Variants in NPAS3 observed in about 807,000 individuals in gnomAD.
NPAS3 encodes neuronal PAS domain-containing protein 3.
Under a neutral mutation model 73.1 loss-of-function variants are expected in NPAS3, and 14 were observed. The observed-to-expected ratio is 0.19, with a 90% CI of 0.13 to 0.30. The LOEUF is 0.30. Ranked by LOEUF, NPAS3 falls within the 10% of genes least tolerant of loss-of-function variation. The pLI is 1.00. For synonymous variants in NPAS3, 620 were observed against 541.5 expected (o/e 1.14, Z -2.01); for missense variants, 1,096 against 1,250.0 (o/e 0.88, Z 1.86).
intron 1 of NPAS3, among the ~76,000 whole-genome samples, chr14:33,019,102 G>T (rs2039498545): frequency 6.6e-6 from 1 of 152,132 alleles, no homozygotes; most frequent in Non-Finnish European, 1.5e-5. Context: ...CATTCTGTTA[G>T]AATTTTGCTG....
intron 7 of NPAS3, among the ~76,000 whole-genome samples, chr14:33,746,618 T>C (rs2061807400): frequency 6.6e-6 from 1 of 152,108 alleles, no homozygotes; most frequent in Non-Finnish European, 1.5e-5. Flanking sequence ...TTACAAAATA[T>C]GGTTGCACAC....
At chr14:33,373,684 T>C (rs2046194730) in intron 4 of NPAS3, among the ~76,000 whole-genome samples, 1 of 152,166 alleles carries the variant, frequency 6.6e-6, no homozygotes, top group African/African-American at 2.4e-5. Flanking sequence ...CATGTGTCAA[T>C]TTTTGCTTGG....
At chr14:33,009,205 C>G (rs1434252729) in intron 1 of NPAS3, among the ~76,000 whole-genome samples, 2 of 152,146 alleles carry the variant, frequency 1.3e-5, no homozygotes, top group Non-Finnish European at 2.9e-5. Flanking sequence ...ATGACAGCTT[C>G]TTTCCTGAAA....
chr14:33,562,086 G>A (rs1351267734), intron 5 of NPAS3, among the ~76,000 whole-genome samples: 2 of 152,128 alleles, frequency 1.3e-5, no homozygotes, highest in African/African-American at 2.4e-5. Context: ...TATATGGATC[G>A]GATTTTCAAG....
intron 4 of NPAS3, among the ~76,000 whole-genome samples, chr14:33,377,094 A>C (rs1256852639): frequency 1.3e-5 from 2 of 152,236 alleles, no homozygotes; most frequent in Non-Finnish European, 2.9e-5. Context: ...TAAATTGCTT[A>C]CATTGATGTA....
chr14:33,153,097 T>C (rs1247329149), intron 2 of NPAS3, among the ~76,000 whole-genome samples: 1 of 152,184 alleles, frequency 6.6e-6, no homozygotes, highest in Non-Finnish European at 1.5e-5. Flanking sequence ...CTTTTTATTC[T>C]AGCTGTTCCT....
intron 3 of NPAS3, among the ~76,000 whole-genome samples, chr14:33,293,097 C>A (rs2042164019): frequency 1.3e-5 from 2 of 152,138 alleles, no homozygotes; most frequent in African/African-American, 2.4e-5. Context: ...CTGAGCATCT[C>A]TTGCTGGCCA....
At chr14:33,204,692 A>G (rs1164877130) in intron 2 of NPAS3, among the ~76,000 whole-genome samples, 1 of 152,110 alleles carries the variant, frequency 6.6e-6, no homozygotes, top group Non-Finnish European at 1.5e-5. Flanking sequence ...TGGGATTCCG[A>G]GGGGACCATA....
chr14:33,030,396 T>A (rs1447359883), intron 1 of NPAS3, among the ~76,000 whole-genome samples: 2 of 152,228 alleles, frequency 1.3e-5, no homozygotes, highest in Non-Finnish European at 2.9e-5. Flanking sequence ...CTTAGAATTC[T>A]TATTCAAATA....
Position 33,348,519 on chromosome 14 carries a change from A to T in NPAS3, c.386-18667A>T, listed in dbSNP as rs567481305. 7.4e-4 allele frequency among the ~76,000 whole-genome samples: 112 copies of T among 152,252 alleles called. 1 individual carries two copies. The highest frequency in any genetic ancestry group is 2.6e-3 in the African/African-American group (109 of 41,546). The stretch of plus-strand genomic sequence containing the variant: ...TGGAAACTATTAGAACAAGTGAATT[A>T]TTTTTAACCATCTTTTAGACCATTC... On this transcript the variant is annotated intron_variant, in intron 3 of 11. Coordinates refer to ENST00000356141, the Ensembl canonical transcript of NPAS3.
In NPAS3 at chr14:33,480,996, C is replaced by T. The variant is rs575950210; in HGVS notation, c.469-79125C>T. Reference sequence around the variant, plus strand: ...TGCTGAATTTGGCCATCTAGAGCCTCATGCGTCCCCGTTTATCAAGAGATA... The same window carrying T: ...TGCTGAATTTGGCCATCTAGAGCCTTATGCGTCCCCGTTTATCAAGAGATA... On this transcript the variant is annotated intron_variant, in intron 4 of 11. Transcript: ENST00000356141. Among the ~76,000 whole-genome samples the T allele has an allele frequency of 3.3e-5, 5 of 152,100 alleles. No individual in the cohort carries two copies. In the South Asian group the frequency reaches 8.3e-4, roughly 25 times the overall value.
intron 2 of NPAS3, 96 bp from the exon 3 acceptor site, chr14:33,215,086 T>A (rs2047170494): frequency 1.5e-6 from 2 of 1,323,594 alleles, no homozygotes; most frequent in Non-Finnish European, 2.1e-6. Flanking sequence ...TTTGGTAGAA[T>A]TTTGGTGGGA....
chr14:33,797,367 GTC>G, intron 10 of NPAS3, 88 bp from the exon 11 acceptor site: 1 of 1,402,058 alleles, frequency 7.1e-7, no homozygotes, highest in Non-Finnish European at 9.9e-7. Flanking sequence ...AACTCCAGAA[GTC>G]TGGGACAAAG....
chr14:33,089,209 G>A (rs1242079339), intron 2 of NPAS3, among the ~76,000 whole-genome samples: 13 of 152,188 alleles, frequency 8.5e-5, no homozygotes, highest in African/African-American at 3.1e-4. Context: ...CCAAGCTAAA[G>A]GAGGAAATTA....
chr14:33,407,442 A>G (rs2047716699), intron 4 of NPAS3, among the ~76,000 whole-genome samples: 1 of 152,138 alleles, frequency 6.6e-6, no homozygotes, highest in Non-Finnish European at 1.5e-5. Flanking sequence ...AGTTAGTCTC[A>G]GTTAAAGCAA....
intron 4 of NPAS3, among the ~76,000 whole-genome samples, chr14:33,428,070 T>A (rs1275359192): frequency 6.6e-6 from 1 of 152,100 alleles, no homozygotes; most frequent in Non-Finnish European, 1.5e-5. Context: ...CTCAACTCAA[T>A]ACATAATAAC....
intron 4 of NPAS3, among the ~76,000 whole-genome samples, chr14:33,385,694 G>A (rs1050103000): frequency 2.0e-5 from 3 of 152,282 alleles, no homozygotes; most frequent in Admixed American, 1.3e-4. Context: ...ACATTCAGCT[G>A]TAGGGCCAGG....
At chr14:33,589,184 G>A (rs780814337) in intron 5 of NPAS3, among the ~76,000 whole-genome samples, 3 of 152,130 alleles carry the variant, frequency 2.0e-5, no homozygotes, top group Non-Finnish European at 2.9e-5. Flanking sequence ...ACTTTCTCCA[G>A]TTCTGTTTTC....
chr14:33,253,297 T>C (rs2048657996), intron 3 of NPAS3, among the ~76,000 whole-genome samples: 1 of 152,102 alleles, frequency 6.6e-6, no homozygotes, highest in Non-Finnish European at 1.5e-5. Flanking sequence ...TTTCTTTTTT[T>C]AGAGACAAGG....
Sources: gnomAD v4.1 joint callset for allele counts (sites outside exome capture counted in the v4.1 genomes callset) on GRCh38, gnomAD v4.1.1 for gene constraint, MANE v1.5 for transcripts, NCBI Gene and HGNC (gene_info 2026-07-23, HGNC 2026-07-21) for gene names.